The following ANKRD6 variants were observed in gnomAD, a reference collection of about 807,000 sequenced individuals.
The protein encoded by ANKRD6 is ankyrin repeat domain-containing protein 6.
ANKRD6 carries 56 observed loss-of-function variants against 82.3 expected under a neutral mutation model. That is an observed-to-expected ratio of 0.68 (90% CI 0.55 to 0.85). The LOEUF is 0.85. ANKRD6 is among the 40% of genes least tolerant of loss of function. The probability of loss-of-function intolerance (pLI) is 0.00; values close to 1 mark genes in which losing one functional copy is unlikely to be tolerated. For missense variants in ANKRD6, 852 were observed against 907.6 expected, an observed-to-expected ratio of 0.94 and a Z score of 0.79; for synonymous variants, 347 against 352.1, an observed-to-expected ratio of 0.99 and a Z score of 0.16.
At chr6:89,611,363 G>A (rs1418981753) in intron 5 of ANKRD6, among the ~76,000 whole-genome samples, 2 of 152,172 alleles carry the variant, frequency 1.3e-5, no homozygotes, top group Non-Finnish European at 2.9e-5. Context: ...CAGAACCAAC[G>A]CGGAGCTTCT....
intron 2 of ANKRD6, among the ~76,000 whole-genome samples, chr6:89,570,053 A>ATATGTG (rs1789448845): frequency 1.2e-5 from 1 of 82,020 alleles, no homozygotes; most frequent in South Asian, 7.5e-4. Context: ...GTGTGTGTGT[A>ATATGTG]TGTGTGTATA....
intron 1 of ANKRD6, among the ~76,000 whole-genome samples, chr6:89,534,067 C>T (rs1309501982): frequency 6.6e-6 from 1 of 152,090 alleles, no homozygotes; most frequent in Non-Finnish European, 1.5e-5. Flanking sequence ...AAACTAATTC[C>T]CCAGATGATG....
At chr6:89,483,505 C>T (rs1369238821) in intron 1 of ANKRD6, 1 of 152,278 alleles carries the variant, frequency 6.6e-6, no homozygotes, top group Non-Finnish European at 1.5e-5. Context: ...CTGTGAGGGC[C>T]ATGGCTTTGC....
At position 89,596,117 on chromosome 6, in the gene ANKRD6, C is replaced by T. The variant is rs1353076400; in HGVS notation, c.219+103C>T. 3 of 982,716 alleles carry T rather than the reference C, an allele frequency of 3.1e-6. No homozygotes were observed. The African/African-American group carries it at 4.8e-5, about 16-fold the overall frequency. 60.9% of individuals were successfully genotyped at this position (982,716 alleles called of 1,614,324 possible). On this transcript the variant is annotated intron_variant, in intron 3 of 15. Transcript: ENST00000339746. ...GTGAGATGGGAGGGTAGTAGATGCT[C>T]TCGCAGCACATTTTAGCTGCATCTT...
Position 89,623,867 on chromosome 6 carries a change from T to C in ANKRD6, c.1033-5T>C, listed in dbSNP as rs1415795177. 5.0e-6 allele frequency: 8 copies of C among 1,611,102 alleles called. No individual in the cohort carries two copies. Among genetic ancestry groups the C allele is most frequent in the African/African-American group, 4.0e-5 (3 of 74,988 alleles). ...TCAGGGGTGTTGTCTCTTCCTCTCT[T>C]ACAGGTGTCAGCATTTTCTGACCCC... On this transcript the variant is annotated splice_polypyrimidine_tract_variant and splice_region_variant and intron_variant, in intron 11 of 15. Coordinates refer to ENST00000339746, the MANE Select transcript of ANKRD6 (RefSeq NM_001242809.2).
chr6:89,532,365 C>T lies in ANKRD6; in HGVS notation c.-143-34469C>T, dbSNP rs141060711. ...TTAATTCTGAACTCTGGGCTTTGTA[C>T]GTGCTGTTTATTCCATCTGGAGTGC... On this transcript the variant is annotated intron_variant, in intron 1 of 15. Coordinates refer to ENST00000339746, the MANE Select transcript of ANKRD6 (RefSeq NM_001242809.2). Among the ~76,000 whole-genome samples, 59 of 152,290 alleles carry T rather than the reference C, an allele frequency of 3.9e-4. No individual in the cohort carries two copies. In the East Asian group the frequency reaches 9.2e-3, roughly 24 times the overall value.
At chr6:89,564,676 CA>C (rs368729322) in intron 1 of ANKRD6, among the ~76,000 whole-genome samples, 7 of 151,540 alleles carry the variant, frequency 4.6e-5, no homozygotes, top group African/African-American at 1.7e-4. Context: ...GAGGTTGCAG[CA>C]AAAAAAACCT....
chr6:89,496,396 C>G (rs1005741321), intron 1 of ANKRD6, among the ~76,000 whole-genome samples: 1 of 152,150 alleles, frequency 6.6e-6, no homozygotes. Flanking sequence ...CTGAAGTCAA[C>G]GTGTAAACAC....
At chr6:89,506,983 A>G (rs896117970) in intron 1 of ANKRD6, among the ~76,000 whole-genome samples, 6 of 152,240 alleles carry the variant, frequency 3.9e-5, no homozygotes, top group African/African-American at 1.4e-4. Context: ...TTCCATATGC[A>G]ATATAAATAA....
intron 1 of ANKRD6, among the ~76,000 whole-genome samples, chr6:89,478,736 G>A (rs1182600066): frequency 7.6e-6 from 1 of 131,828 alleles, no homozygotes; most frequent in Admixed American, 8.5e-5. Flanking sequence ...CAGCCTGGGC[G>A]ACAGAGTGAG....
intron 1 of ANKRD6, among the ~76,000 whole-genome samples, chr6:89,507,659 T>C (rs917787643): frequency 6.6e-6 from 1 of 152,244 alleles, no homozygotes; most frequent in Non-Finnish European, 1.5e-5. Flanking sequence ...TTGTCATTCA[T>C]GGGATTCCTG....
chr6:89,521,722 T>A (rs960871166), intron 1 of ANKRD6, among the ~76,000 whole-genome samples: 1 of 152,062 alleles, frequency 6.6e-6, no homozygotes, highest in Admixed American at 6.5e-5. Context: ...GAGAATTGTA[T>A]GAATCAGATC....
At chr6:89,515,643 G>T (rs1202354513) in intron 1 of ANKRD6, among the ~76,000 whole-genome samples, 1 of 152,214 alleles carries the variant, frequency 6.6e-6, no homozygotes, top group Non-Finnish European at 1.5e-5. Flanking sequence ...TTGAGAGAAG[G>T]TGCCTCTCCT....
intron 1 of ANKRD6, among the ~76,000 whole-genome samples, chr6:89,437,878 C>G (rs1019252768): frequency 6.6e-6 from 1 of 152,176 alleles, no homozygotes; most frequent in Non-Finnish European, 1.5e-5. Flanking sequence ...ACTGCAACCT[C>G]TGCCTCCTGG....
Position 89,531,187 on chromosome 6 carries a change from G to A in ANKRD6, c.-143-35647G>A, listed in dbSNP as rs189367299. On this transcript the variant is annotated intron_variant, in intron 1 of 15. Transcript: ENST00000339746. ...GTGCGCGGAAGGTGCGCTCCTGTCTGGGAATCGAGCCAAAGTGCGGATCTG... is the reference window on the plus strand; with the variant it reads ...GTGCGCGGAAGGTGCGCTCCTGTCTAGGAATCGAGCCAAAGTGCGGATCTG... Among the ~76,000 whole-genome samples the A allele has an allele frequency of 5.9e-5, 9 of 152,348 alleles. No individual in the cohort carries two copies. In the East Asian group the frequency reaches 1.7e-3, roughly 29 times the overall value.
intron 1 of ANKRD6, among the ~76,000 whole-genome samples, chr6:89,461,819 T>C (rs1742296): frequency 0.15 from 23,051 of 152,140 alleles, 2,238 homozygotes; most frequent in East Asian, 0.4. Flanking sequence ...GAAGCTTGTC[T>C]AATAAATTGA....
chr6:89,499,050 T>C (rs1778967834), intron 1 of ANKRD6, among the ~76,000 whole-genome samples: 1 of 152,140 alleles, frequency 6.6e-6, no homozygotes, highest in East Asian at 1.9e-4. Flanking sequence ...TGATATAGTT[T>C]GGCCAAGCAC....
At chr6:89,453,696 CGGCCTGCCGA>C (rs1773149128) in intron 1 of ANKRD6, among the ~76,000 whole-genome samples, 1 of 151,946 alleles carries the variant, frequency 6.6e-6, no homozygotes, top group Admixed American at 6.6e-5. Flanking sequence ...TCTCCTGCCT[CGGCCTGCCGA>C]GTAGCTGAGA....
At chr6:89,584,893 G>C (rs1414947952) in intron 2 of ANKRD6, among the ~76,000 whole-genome samples, 1 of 152,080 alleles carries the variant, frequency 6.6e-6, no homozygotes, top group Non-Finnish European at 1.5e-5. Context: ...TAGATGGCTG[G>C]CTTCTCTCTG....
Sources: gnomAD v4.1 joint callset for allele counts (sites outside exome capture counted in the v4.1 genomes callset) on GRCh38, gnomAD v4.1.1 for gene constraint, MANE v1.5 for transcripts, NCBI Gene and HGNC (gene_info 2026-07-23, HGNC 2026-07-21) for gene names.